PRDM16: variants seen among roughly 807,000 people sequenced by gnomAD.
PRDM16 encodes PR/SET domain 16.
PRDM16 carries 23 observed loss-of-function variants against 110.6 expected under a neutral mutation model. That is an observed-to-expected ratio of 0.21 (90% CI 0.15 to 0.29). The LOEUF (loss-of-function observed/expected upper bound fraction) is 0.29, where lower values mean the gene tolerates loss of function less well. Ranked by LOEUF, PRDM16 falls within the 10% of genes least tolerant of loss-of-function variation. PRDM16 has a pLI of 1.00. For synonymous variants in PRDM16, 799 were observed against 781.8 expected (o/e 1.02, Z -0.37); for missense variants, 1,615 against 1,794.3 (o/e 0.90, Z 1.81).
chr1:3,430,853 T>C lies in PRDM16; in HGVS notation c.3285-19T>C, dbSNP rs559874987. On this transcript the variant is annotated intron_variant, in intron 14 of 16. Coordinates refer to ENST00000270722, the MANE Select transcript of PRDM16 (RefSeq NM_022114.4). ...CAGAGACACCCAAACTCAGTCAATC[T>C]CCTCCTGCATCATTTCAGGGCGGAC... 4.3e-6 allele frequency: 7 copies of C among 1,611,742 alleles called. No homozygotes were observed. In the South Asian group the frequency reaches 7.7e-5, roughly 18 times the overall value.
At chr1:3,253,710 T>C (rs1231396109) in intron 3 of PRDM16, among the ~76,000 whole-genome samples, 2 of 152,220 alleles carry the variant, frequency 1.3e-5, no homozygotes, top group Non-Finnish European at 2.9e-5. Flanking sequence ...TTATAGTCCT[T>C]TGGGTATATA....
intron 2 of PRDM16, among the ~76,000 whole-genome samples, chr1:3,222,716 C>G (rs1639187615): frequency 6.6e-6 from 1 of 152,268 alleles, no homozygotes; most frequent in South Asian, 2.1e-4. Context: ...CCCTGACTGT[C>G]TCCAGCGTGC....
intron 1 of PRDM16, among the ~76,000 whole-genome samples, chr1:3,117,425 G>T (rs565328019): frequency 1.8e-4 from 28 of 152,126 alleles, no homozygotes; most frequent in African/African-American, 6.8e-4. Context: ...GAGAACGCAG[G>T]GGGAAGGAAC....
At chr1:3,180,607 G>A (rs1391949747) in intron 1 of PRDM16, among the ~76,000 whole-genome samples, 2 of 152,172 alleles carry the variant, frequency 1.3e-5, no homozygotes, top group Non-Finnish European at 2.9e-5. Context: ...ACCCGCATGG[G>A]GCCTAGACGA....
chr1:3,146,269 G>C lies in PRDM16; in HGVS notation c.38-39856G>C, dbSNP rs922112264. 1.1e-4 allele frequency among the ~76,000 whole-genome samples: 16 copies of C among 151,876 alleles called. No homozygotes were observed. The East Asian group carries it at 1.4e-3, about 13-fold the overall frequency. ...AACGTTCGCTGACTTCATCTGGGGT[G>C]GGGGGGGCCTCCCCGCTAACAGCCA... On this transcript the variant is annotated intron_variant, in intron 1 of 16. Coordinates refer to ENST00000270722, the MANE Select transcript of PRDM16 (RefSeq NM_022114.4).
intron 1 of PRDM16, among the ~76,000 whole-genome samples, chr1:3,128,686 AGACCATCCCACCATGCTACTG>A (rs1643262674): frequency 1.6e-5 from 1 of 62,696 alleles, no homozygotes; most frequent in Non-Finnish European, 3.1e-5. Flanking sequence ...ATGCTACTGG[AGACCATCCCACCATGCTACTG>A]GAGACCATCC....
Position 3,290,242 on chromosome 1 carries a change from C to T in PRDM16, c.438+46105C>T, listed in dbSNP as rs1177085337. 2.0e-5 allele frequency among the ~76,000 whole-genome samples: 3 copies of T among 152,162 alleles called. No homozygotes were observed. Among genetic ancestry groups the T allele is most frequent in the African/African-American group, 7.2e-5 (3 of 41,452 alleles). On this transcript the variant is annotated intron_variant, in intron 3 of 16. Transcript: ENST00000270722. The surrounding 1 kb of genome is among the most constrained non-coding windows in gnomAD (Gnocchi z 4.8). ...AGGTTTCCAGGCATTTGGAAGTAGA[C>T]ATGGGAAGGAAGGAGCGACGGGGTG...
In PRDM16 at chr1:3,178,768, C is replaced by T. The variant is rs1305045209; in HGVS notation, c.38-7357C>T. 3.9e-5 allele frequency among the ~76,000 whole-genome samples: 6 copies of T among 152,140 alleles called. No homozygotes were observed. The East Asian group carries it at 9.7e-4, about 25-fold the overall frequency. Reference sequence around the variant, plus strand: ...CCTCCTGGAGGCTTTGCTGAAGCACCGATTGCCTGCACACACCAGCCCCGC... The same window carrying T: ...CCTCCTGGAGGCTTTGCTGAAGCACTGATTGCCTGCACACACCAGCCCCGC... On this transcript the variant is annotated intron_variant, in intron 1 of 16. Transcript: ENST00000270722.
chr1:3,216,972 TCCTCTGTGAATTAACTCGTAG>T (rs1362592404), intron 2 of PRDM16, among the ~76,000 whole-genome samples: 5 of 152,224 alleles, frequency 3.3e-5, no homozygotes, highest in Non-Finnish European at 5.9e-5. Context: ...TTGCGGCAGT[TCCTCTGTGAATTAACTCGTAG>T]CCTAGCACTG....
chr1:3,238,337 G>A (rs551679747), intron 2 of PRDM16, among the ~76,000 whole-genome samples: 6 of 152,234 alleles, frequency 3.9e-5, no homozygotes, highest in South Asian at 2.1e-4. Flanking sequence ...TTTCTGTGCC[G>A]TACTTGACTG....
intron 3 of PRDM16, among the ~76,000 whole-genome samples, chr1:3,338,477 A>G (rs1642206409): frequency 6.6e-6 from 1 of 152,212 alleles, no homozygotes; most frequent in Non-Finnish European, 1.5e-5. Flanking sequence ...CTGGCTTCCA[A>G]CCCGACTTCC....
chr1:3,074,532 C>T (rs1042477680), intron 1 of PRDM16, among the ~76,000 whole-genome samples: 2 of 152,158 alleles, frequency 1.3e-5, no homozygotes, highest in Non-Finnish European at 2.9e-5. Context: ...CACGTGCGTC[C>T]AGCGTGTAAG....
intron 3 of PRDM16, among the ~76,000 whole-genome samples, chr1:3,314,070 C>CCCGG (rs1553161909): frequency 1.1e-5 from 1 of 89,656 alleles, no homozygotes; most frequent in East Asian, 7.0e-4. Context: ...TCCTTCCCCA[C>CCCGG]CGGGGGGGGG....
At chr1:3,118,099 A>G (rs1382132757) in intron 1 of PRDM16, among the ~76,000 whole-genome samples, 1 of 148,984 alleles carries the variant, frequency 6.7e-6, no homozygotes, top group Non-Finnish European at 1.5e-5. Context: ...ATGTGTGTAC[A>G]TGCATGTGTG....
chr1:3,104,318 A>T (rs1001244324), intron 1 of PRDM16, among the ~76,000 whole-genome samples: 4 of 152,160 alleles, frequency 2.6e-5, no homozygotes, highest in Non-Finnish European at 5.9e-5. Context: ...AAGGTGCTAG[A>T]AGGAGCTGGG....
intron 3 of PRDM16, among the ~76,000 whole-genome samples, chr1:3,321,974 TTGTG>T (rs1422266331): frequency 6.6e-6 from 1 of 151,082 alleles, no homozygotes; most frequent in Admixed American, 6.6e-5. Context: ...GACTGTATAT[TTGTG>T]TGGGGGTGCA....
In PRDM16 at chr1:3,431,041, G is replaced by A. The variant is rs776229208; in HGVS notation, c.3454G>A (p.Ala1152Thr). 2.2e-5 allele frequency: 35 copies of A among 1,562,046 alleles called. No individual in the cohort carries two copies. The highest frequency in any genetic ancestry group is 1.9e-4 in the Admixed American group (10 of 51,822). ...TVSPAPEPQA[A>T]YEDEEDEEPA... ...GTCCCCCGCACCCGAGCCCCAGGCC[G>A]CCTACGAGGATGAGGAGGATGAGGA... Residue 1152 changes from alanine to threonine, a missense_variant, in exon 15 of 17, where the codon GCC becomes ACC. By Grantham distance (58) the Ala-to-Thr change is moderately conservative. This residue lies in a region of PRDM16 where 327 missense variants were observed against 359.3 expected (regional missense o/e 0.91). Coordinates refer to ENST00000270722, the MANE Select transcript of PRDM16 (RefSeq NM_022114.4).
intron 3 of PRDM16, chr1:3,308,726 C>T (rs1641370520): frequency 6.6e-6 from 1 of 152,270 alleles, no homozygotes; most frequent in Admixed American, 6.5e-5. Flanking sequence ...ACACTGGGTT[C>T]TGGGTTTCGC....
chr1:3,069,298 TA>T lies in PRDM16; in HGVS notation c.37+4del. Reference sequence around the variant, plus strand: ...CGAGGGCGAGGAAGCTAGCCAAAAGTAAGTCTCCCGCGCTCGGCCGCGCCGC... The same window carrying T: ...CGAGGGCGAGGAAGCTAGCCAAAAGTAGTCTCCCGCGCTCGGCCGCGCCGC... On this transcript the variant is annotated splice_donor_region_variant and intron_variant, in intron 1 of 16. Coordinates refer to ENST00000270722, the MANE Select transcript of PRDM16 (RefSeq NM_022114.4). The surrounding 1 kb of genome is among the most constrained non-coding windows in gnomAD (Gnocchi z 6.1). 1.3e-6 allele frequency: 2 copies of T among 1,505,984 alleles called. No homozygotes were observed. The highest frequency in any genetic ancestry group is 1.8e-6 in the Non-Finnish European group (2 of 1,121,422). The allele number at this position is 1,505,984 out of a possible 1,614,324, so 93.3% of individuals were successfully genotyped here.
Sources: gnomAD v4.1 joint callset for allele counts (sites outside exome capture counted in the v4.1 genomes callset) on GRCh38, gnomAD v4.1.1 for gene constraint, gnomAD v4.1.1 regional missense constraint, Gnocchi (gnomAD v3.1) non-coding constraint, MANE v1.5 for transcripts, NCBI Gene and HGNC (gene_info 2026-07-23, HGNC 2026-07-21) for gene names.